Variants in ULK2 observed in about 807,000 individuals in gnomAD.
ULK2 encodes the protein serine/threonine-protein kinase ULK2.
ULK2 carries 76 observed loss-of-function variants against 127.5 expected under a neutral mutation model. The observed-to-expected ratio is 0.60, with a 90% CI of 0.50 to 0.72. The LOEUF (loss-of-function observed/expected upper bound fraction) is 0.72, where lower values mean the gene tolerates loss of function less well. ULK2 is among the 30% of genes least tolerant of loss of function. ULK2 has a pLI of 0.00. For missense variants in ULK2, 1,144 were observed against 1,295.9 expected (o/e 0.88, Z 1.80); for synonymous variants, 452 against 461.9 (o/e 0.98, Z 0.28).
intron 7 of ULK2, among the ~76,000 whole-genome samples, chr17:19,843,580 G>C (rs1270568902): frequency 6.6e-6 from 1 of 151,860 alleles, no homozygotes; most frequent in African/African-American, 2.4e-5. Flanking sequence ...GGTTCCCTCA[G>C]GTGTGTGAGA....
At chr17:19,798,904 T>G (rs907832023) in intron 17 of ULK2, among the ~76,000 whole-genome samples, 2 of 152,178 alleles carry the variant, frequency 1.3e-5, no homozygotes, top group Non-Finnish European at 2.9e-5. Context: ...GGCTCACACC[T>G]GTAATCCCAG....
chr17:19,812,785 T>A (rs951081341), intron 13 of ULK2, among the ~76,000 whole-genome samples: 1 of 152,258 alleles, frequency 6.6e-6, no homozygotes, highest in Non-Finnish European at 1.5e-5. Context: ...TCTCATAATA[T>A]CATGCTGCAT....
chr17:19,799,578 A>AC lies in ULK2; in HGVS notation c.1442-4dup. 2 of 1,393,998 alleles carry AC rather than the reference A, an allele frequency of 1.4e-6. No individual in the cohort carries two copies. The highest frequency in any genetic ancestry group is 1.5e-5 in the South Asian group (1 of 64,910). The allele number at this position is 1,393,998 out of a possible 1,614,324, so 86.4% of individuals were successfully genotyped here. A position where few individuals can be genotyped will look rare whatever the true frequency, so the allele number is the denominator to read the frequency against. On this transcript the variant is annotated splice_region_variant and splice_polypyrimidine_tract_variant and intron_variant, in intron 16 of 26. Coordinates refer to ENST00000395544, the MANE Select transcript of ULK2 (RefSeq NM_014683.4). ...GAATTGCTCAGGAATGGTACCAACT[A>AC]CAAAAAAAAAAAAAAAAAAGATGGG... is the stretch of plus-strand genomic sequence containing the variant.
chr17:19,784,252 T>C (rs1020506562), intron 21 of ULK2, among the ~76,000 whole-genome samples: 12 of 152,166 alleles, frequency 7.9e-5, no homozygotes, highest in African/African-American at 2.6e-4. Context: ...ATATATTATA[T>C]AATGTTTATC....
At chr17:19,809,033 A>G (rs763402614) in intron 14 of ULK2, among the ~76,000 whole-genome samples, 4 of 152,248 alleles carry the variant, frequency 2.6e-5, no homozygotes, top group Non-Finnish European at 5.9e-5. Flanking sequence ...ATGTTCACCA[A>G]TGGATTAATG....
At position 19,845,386 on chromosome 17, in the gene ULK2, C is replaced by T. The variant is rs751979706; in HGVS notation, c.470-9G>A. 3 of 1,612,312 alleles carry T rather than the reference C, an allele frequency of 1.9e-6. No homozygotes were observed. The Admixed American group carries it at 5.0e-5, about 27-fold the overall frequency. ...AGCAAAACCAAAATCCGCTATTTCA[C>T]AAAACAGAAAGTAGAAAAGCAAATT... is the stretch of plus-strand genomic sequence containing the variant. On this transcript the variant is annotated splice_polypyrimidine_tract_variant and intron_variant, in intron 6 of 26. Transcript: ENST00000395544.
At chr17:19,800,543 A>G (rs1384249693) in intron 16 of ULK2, among the ~76,000 whole-genome samples, 2 of 152,056 alleles carry the variant, frequency 1.3e-5, no homozygotes, top group Non-Finnish European at 2.9e-5. Context: ...AAGATTTTTC[A>G]TCTAAAAACA....
At chr17:19,831,186 T>A (rs1219010428) in intron 10 of ULK2, among the ~76,000 whole-genome samples, 1 of 152,014 alleles carries the variant, frequency 6.6e-6, no homozygotes, top group Non-Finnish European at 1.5e-5. Flanking sequence ...GAAGGGGATG[T>A]ACCACACTTT....
intron 13 of ULK2, chr17:19,816,524 T>C (rs2040992540): frequency 6.1e-6 from 2 of 329,198 alleles, no homozygotes; most frequent in Non-Finnish European, 1.1e-5. Context: ...GATCATTTCC[T>C]ATAAAGTTTT....
intron 13 of ULK2, among the ~76,000 whole-genome samples, chr17:19,814,454 T>TATACATATATATACG (rs61708241): frequency 3.1e-5 from 3 of 97,006 alleles, no homozygotes; most frequent in African/African-American, 1.5e-4. Context: ...TTTTTTTTTT[T>TATACATATATATACG]TTTTTTTTTG....
intron 12 of ULK2, among the ~76,000 whole-genome samples, chr17:19,822,719 C>T (rs1379670518): frequency 6.6e-6 from 1 of 151,794 alleles, no homozygotes; most frequent in Admixed American, 6.6e-5. Flanking sequence ...TGGAGTCTCG[C>T]TCTGTCGCTC....
At chr17:19,829,556 G>GGGGGC (rs768810560) in intron 10 of ULK2, among the ~76,000 whole-genome samples, 1 of 131,524 alleles carries the variant, frequency 7.6e-6, no homozygotes, top group Non-Finnish European at 1.7e-5. Flanking sequence ...AAAGGGGGGG[G>GGGGGC]GCTGGGCACG....
chr17:19,835,274 C>T lies in ULK2; in HGVS notation c.787+3227G>A, dbSNP rs187771148. ...ACACCATTCTCCTGCCTCAGCCTCTCGAGTAGCTGGGACTACAGGATGGTC... is the reference window on the plus strand; with the variant it reads ...ACACCATTCTCCTGCCTCAGCCTCTTGAGTAGCTGGGACTACAGGATGGTC... On this transcript the variant is annotated intron_variant, in intron 10 of 26. Transcript: ENST00000395544. Among the ~76,000 whole-genome samples, 1,171 of 151,066 alleles carry T rather than the reference C, an allele frequency of 7.8e-3. 10 individuals carry two copies. Among genetic ancestry groups the T allele is most frequent in the Non-Finnish European group, 0.013 (871 of 67,700 alleles).
In ULK2 at chr17:19,776,397, A is replaced by G; in HGVS notation, c.3063T>C (p.Ser1021=). 6.3e-7 allele frequency: 1 copy of G among 1,598,714 alleles called. No individual in the cohort carries two copies. Among genetic ancestry groups the G allele is most frequent in the South Asian group, 1.1e-5 (1 of 88,228 alleles). ...DIENVHKYKC[S]IERRLSALCH... is the part of the protein sequence containing the mutation. The stretch of plus-strand genomic sequence containing the variant: ...AGAGCGCCGACAGTCTTCTCTCAAT[A>G]CTACATTTATCTAGAAATAAAATAA... The change falls in exon 27 of 27, where the codon AGT becomes AGC. Residue 1021 remains serine, a synonymous_variant. Coordinates refer to ENST00000395544, the MANE Select transcript of ULK2 (RefSeq NM_014683.4).
intron 17 of ULK2, among the ~76,000 whole-genome samples, chr17:19,798,287 C>T (rs576665519): frequency 4.6e-5 from 7 of 152,230 alleles, no homozygotes; most frequent in South Asian, 2.1e-4. Flanking sequence ...CACTTAAAAC[C>T]GAAAGCATCC....
intron 21 of ULK2, 92 bp from the exon 22 acceptor site, chr17:19,783,997 G>C (rs755001215): frequency 1.6e-4 from 185 of 1,146,808 alleles, no homozygotes; most frequent in Non-Finnish European, 2.1e-4. Context: ...CTGCTGAGGT[G>C]ACAAAGGAAA....
At chr17:19,825,011 T>A (rs2041252175) in intron 12 of ULK2, 83 bp downstream of exon 12, 2 of 1,247,750 alleles carry the variant, frequency 1.6e-6, no homozygotes, top group African/African-American at 3.0e-5. Flanking sequence ...AAAAAGAATA[T>A]CCACAGTGTA....
chr17:19,801,769 C>T lies in ULK2; in HGVS notation c.1441+8G>A, dbSNP rs1317066316. The T allele has an allele frequency of 3.1e-6, 5 of 1,612,086 alleles. No individual in the cohort carries two copies. In the African/African-American group the frequency reaches 4.0e-5, roughly 13 times the overall value. ...GGTTGAAAACAACTGTTTTTAAACT[C>T]TACTTACCCAAAGGGGAAGGTGAGT... is the stretch of plus-strand genomic sequence containing the variant. On this transcript the variant is annotated splice_region_variant and intron_variant, in intron 16 of 26. Transcript: ENST00000395544.
chr17:19,816,650 A>T, intron 13 of ULK2, 99 bp downstream of exon 13: 1 of 1,048,766 alleles, frequency 9.5e-7, no homozygotes, highest in Non-Finnish European at 1.3e-6. Flanking sequence ...TCATTTGAAA[A>T]GGTGCCCTAC....
Sources: gnomAD v4.1 joint callset for allele counts (sites outside exome capture counted in the v4.1 genomes callset) on GRCh38, gnomAD v4.1.1 for gene constraint, MANE v1.5 for transcripts, NCBI Gene and HGNC (gene_info 2026-07-23, HGNC 2026-07-21) for gene names.